Variants in TEC observed in about 807,000 individuals in gnomAD.
TEC encodes tyrosine-protein kinase Tec.
A neutral mutation model predicts 93.0 loss-of-function variants in TEC; 72 were observed. That is an observed-to-expected ratio of 0.77 (90% CI 0.64 to 0.94). The LOEUF is 0.94. Ranked by LOEUF, TEC falls within the 40% of genes least tolerant of loss-of-function variation. TEC has a pLI of 0.00. For missense variants in TEC, 630 were observed against 757.9 expected (o/e 0.83, Z 1.98); for synonymous variants, 249 against 247.7 (o/e 1.01, Z -0.05).
Position 48,206,777 on chromosome 4 carries a change from CAAAAAAA to C in TEC, c.138+21693_138+21699del, listed in dbSNP as rs34761710. Among the ~76,000 whole-genome samples, 680 of 89,200 alleles carry C rather than the reference CAAAAAAA, an allele frequency of 7.6e-3. 2 individuals are homozygous for C. The highest frequency in any genetic ancestry group is 0.032 in the Middle Eastern group (5 of 154). 58.5% of individuals were successfully genotyped at this position (89,200 alleles called of 152,430 possible). A position where few individuals can be genotyped will look rare whatever the true frequency, so the allele number is the denominator to read the frequency against. On this transcript the variant is annotated intron_variant, in intron 2 of 17. Coordinates refer to ENST00000381501, the MANE Select transcript of TEC (RefSeq NM_003215.3). ...GCAATATAAGGAGACCTCGTTGCTA[CAAAAAAA>C]AAAAAAAAAAAAAAAATGAAAACAA...
At chr4:48,265,021 A>T (rs1403503438) in intron 1 of TEC, among the ~76,000 whole-genome samples, 1 of 152,100 alleles carries the variant, frequency 6.6e-6, no homozygotes, top group South Asian at 2.1e-4. Context: ...AACTTCTAAC[A>T]TGAAAGAGAA....
intron 2 of TEC, among the ~76,000 whole-genome samples, chr4:48,212,178 C>T (rs990758895): frequency 1.3e-5 from 2 of 150,052 alleles, no homozygotes; most frequent in Non-Finnish European, 3.0e-5. Context: ...GCTGGTCTCT[C>T]TTTTCTGCAC....
chr4:48,216,252 A>AAC (rs1560412783), intron 2 of TEC, among the ~76,000 whole-genome samples: 1 of 151,836 alleles, frequency 6.6e-6, no homozygotes, highest in Non-Finnish European at 1.5e-5. Context: ...AGGAAAAAAA[A>AAC]AAAAACAAAA....
At chr4:48,227,661 A>C (rs1577656765) in intron 2 of TEC, among the ~76,000 whole-genome samples, 2 of 151,348 alleles carry the variant, frequency 1.3e-5, no homozygotes, top group East Asian at 3.9e-4. Context: ...AAAAAAAAAA[A>C]CTAAACCAGG....
At chr4:48,150,986 A>G in intron 9 of TEC, 44 bp from the exon 10 acceptor site, 1 of 1,239,906 alleles carries the variant, frequency 8.1e-7, no homozygotes, top group Non-Finnish European at 1.1e-6. Context: ...TCTAATTACT[A>G]ATAGCATTGC....
In TEC at chr4:48,137,405, TCA is replaced by T. The variant is rs1343951837; in HGVS notation, c.*9_*10del. ...TGCTTGGGAATCTGGGAGCCACTGGTCACACATCACTTATCTTCCAAAAGTTT... is the reference window on the plus strand; with the variant it reads ...TGCTTGGGAATCTGGGAGCCACTGGTCACATCACTTATCTTCCAAAAGTTT... On this transcript the variant is annotated 3_prime_UTR_variant, in exon 18 of 18. Coordinates refer to ENST00000381501, the MANE Select transcript of TEC (RefSeq NM_003215.3). 1.2e-6 allele frequency: 2 copies of T among 1,612,072 alleles called. No individual in the cohort carries two copies. The highest frequency in any genetic ancestry group is 2.7e-5 in the African/African-American group (2 of 74,868).
intron 2 of TEC, among the ~76,000 whole-genome samples, chr4:48,218,377 T>G (rs1723145816): frequency 6.6e-6 from 1 of 152,154 alleles, no homozygotes; most frequent in Admixed American, 6.5e-5. Flanking sequence ...CAGGCTGGTC[T>G]CAAACTCTCT....
intron 1 of TEC, among the ~76,000 whole-genome samples, chr4:48,238,331 C>T (rs1053162222): frequency 6.6e-6 from 1 of 152,180 alleles, no homozygotes; most frequent in Non-Finnish European, 1.5e-5. Context: ...TGATATGCAG[C>T]AGGCTATAAC....
At chr4:48,228,397 A>G in intron 2 of TEC, 80 bp downstream of exon 2, 5 of 1,412,902 alleles carry the variant, frequency 3.5e-6, no homozygotes, top group Non-Finnish European at 4.7e-6. Context: ...AGCATTTTCA[A>G]TAAGATTGGA....
chr4:48,159,615 G>A (rs1720544217), intron 8 of TEC, among the ~76,000 whole-genome samples: 1 of 150,084 alleles, frequency 6.7e-6, no homozygotes, highest in Non-Finnish European at 1.5e-5. Flanking sequence ...GAGTGTAATG[G>A]CGCAATCTTG....
chr4:48,266,537 T>C (rs1249566814), intron 1 of TEC, among the ~76,000 whole-genome samples: 11 of 152,146 alleles, frequency 7.2e-5, no homozygotes, highest in Non-Finnish European at 1.3e-4. Flanking sequence ...ACAAATCCAT[T>C]ATTAACTCCA....
At chr4:48,194,892 A>AT (rs1560402627) in intron 2 of TEC, among the ~76,000 whole-genome samples, 2 of 152,220 alleles carry the variant, frequency 1.3e-5, no homozygotes, top group Non-Finnish European at 2.9e-5. Flanking sequence ...ATATTCATTC[A>AT]ACTGGTGTTG....
chr4:48,266,801 G>T (rs1724647067), intron 1 of TEC, among the ~76,000 whole-genome samples: 1 of 150,320 alleles, frequency 6.7e-6, no homozygotes, highest in Non-Finnish European at 1.5e-5. Context: ...TCGTGCCATT[G>T]CATTCCAGCC....
At chr4:48,231,465 T>C (rs907442934) in intron 1 of TEC, among the ~76,000 whole-genome samples, 1 of 152,152 alleles carries the variant, frequency 6.6e-6, no homozygotes, top group African/African-American at 2.4e-5. Flanking sequence ...TGACTACTTA[T>C]AAGAACAGAG....
Position 48,209,856 on chromosome 4 carries a change from C to A in TEC, c.138+18621G>T, listed in dbSNP as rs557673618. Among the ~76,000 whole-genome samples, 7 of 152,200 alleles carry A rather than the reference C, an allele frequency of 4.6e-5. No individual in the cohort carries two copies. In the South Asian group the frequency reaches 1.2e-3, roughly 27 times the overall value. On this transcript the variant is annotated intron_variant, in intron 2 of 17. Transcript: ENST00000381501. The stretch of plus-strand genomic sequence containing the variant: ...AAAGGAAGAACTTAGAGAACATAAA[C>A]CAATTGTAAACATGCTTGTTTATTA...
intron 2 of TEC, among the ~76,000 whole-genome samples, chr4:48,212,993 A>G (rs1174664476): frequency 1.3e-5 from 2 of 152,230 alleles, no homozygotes; most frequent in Admixed American, 1.3e-4. Context: ...CCATATTACA[A>G]ATAAAAGATA....
In TEC at chr4:48,145,496, AT is replaced by A. The variant is rs1560373851; in HGVS notation, c.1164del (p.Lys388AsnfsTer24). The A allele has an allele frequency of 6.2e-7, 1 of 1,613,986 alleles. No individual in the cohort carries two copies. Among genetic ancestry groups the A allele is most frequent in the African/African-American group, 1.3e-5 (1 of 74,894 alleles). On this transcript the variant is annotated frameshift_variant, in exon 13 of 18. Transcript: ENST00000381501. LOFTEE classifies it high-confidence loss of function. Reference protein sequence around the residue: ...SGLFGVVRLGKWRAQYKVAIK... With the variant: ...SGLFGVVRLGXWRAQYKVAIK... ...ATTGCGACTTTGTACTGGGCTCGCCATTTGCCAAGCCTCACCACTCCAAACA... is the reference window on the plus strand; with the variant it reads ...ATTGCGACTTTGTACTGGGCTCGCCATTGCCAAGCCTCACCACTCCAAACA...
chr4:48,251,360 C>T (rs11724904), intron 1 of TEC, among the ~76,000 whole-genome samples: 15,929 of 152,122 alleles, frequency 0.1, 1,000 homozygotes, highest in East Asian at 0.24. Context: ...CAGTTTTCTT[C>T]TTATAACTCA....
chr4:48,265,491 A>G (rs1199187117), intron 1 of TEC, among the ~76,000 whole-genome samples: 19 of 128,460 alleles, frequency 1.5e-4, no homozygotes, highest in African/African-American at 5.5e-4. Flanking sequence ...GTGTGTATAT[A>G]TGTGTGTATA....
Sources: gnomAD v4.1 joint callset for allele counts (sites outside exome capture counted in the v4.1 genomes callset) on GRCh38, gnomAD v4.1.1 for gene constraint, MANE v1.5 for transcripts, NCBI Gene and HGNC (gene_info 2026-07-23, HGNC 2026-07-21) for gene names.